The following SYCP2 variants were observed in gnomAD, a reference collection of about 807,000 sequenced individuals.
SYCP2 encodes synaptonemal complex lateral element protein.
Under a neutral mutation model 211.3 loss-of-function variants are expected in SYCP2, and 55 were observed. The ratio of observed to expected loss-of-function variants is 0.26; its 90% confidence interval spans 0.21 to 0.33. The LOEUF is 0.33. Ranked by LOEUF, SYCP2 falls within the 10% of genes least tolerant of loss-of-function variation. The pLI is 1.00. For missense variants in SYCP2, 1,731 were observed against 1,752.0 expected (o/e 0.99, Z 0.21); for synonymous variants, 570 against 555.2 (o/e 1.03, Z -0.37).
intron 2 of SYCP2, among the ~76,000 whole-genome samples, chr20:59,927,620 C>T (rs1212267834): frequency 1.3e-5 from 2 of 152,078 alleles, no homozygotes; most frequent in African/African-American, 4.8e-5. Context: ...CTCCAAAAAA[C>T]AGGTTAATAA....
At chr20:59,880,032 G>C (rs992219493) in intron 31 of SYCP2, among the ~76,000 whole-genome samples, 2 of 150,918 alleles carry the variant, frequency 1.3e-5, no homozygotes, top group African/African-American at 4.8e-5. Flanking sequence ...TAAATAACTG[G>C]ATAATACTGG....
rs1298172507 is a variant in SYCP2 at position 59,879,891 on chromosome 20, ATATT to A, written c.2941+408_2941+411del. 5.3e-4 allele frequency among the ~76,000 whole-genome samples: 78 copies of A among 147,094 alleles called. 1 individual carries two copies. The highest frequency in any genetic ancestry group is 1.7e-3 in the African/African-American group (69 of 40,686). On this transcript the variant is annotated intron_variant, in intron 31 of 44. Transcript: ENST00000357552. Reference sequence around the variant, plus strand: ...CACACACACACACAAACATATAAATATATTTATTTTATACACACACACACAAATG... The same window carrying A: ...CACACACACACACAAACATATAAATATATTTTATACACACACACACAAATG...
chr20:59,870,938 G>T (rs1306287773), intron 35 of SYCP2, among the ~76,000 whole-genome samples: 6 of 151,608 alleles, frequency 4.0e-5, no homozygotes, highest in Non-Finnish European at 8.8e-5. Context: ...GTCAAATTTA[G>T]ACTCAAATCT....
intron 31 of SYCP2, among the ~76,000 whole-genome samples, chr20:59,878,856 G>A (rs2059610552): frequency 6.6e-6 from 1 of 151,914 alleles, no homozygotes; most frequent in Non-Finnish European, 1.5e-5. Flanking sequence ...AATAGTCTCT[G>A]AAACCTAAGA....
chr20:59,929,643 T>C (rs1043921926), intron 2 of SYCP2, among the ~76,000 whole-genome samples: 6 of 151,926 alleles, frequency 3.9e-5, no homozygotes, highest in South Asian at 4.1e-4. Flanking sequence ...AATGAGATAA[T>C]AGAAATTCTT....
intron 4 of SYCP2, among the ~76,000 whole-genome samples, chr20:59,920,797 A>C (rs953216391): frequency 6.6e-6 from 1 of 151,642 alleles, no homozygotes; most frequent in African/African-American, 2.4e-5. Context: ...TAACAGAAAC[A>C]AGAAATTTTT....
At position 59,864,214 on chromosome 20, in the gene SYCP2, T is replaced by G; in HGVS notation, c.*97A>C. The G allele has an allele frequency of 2.4e-6, 2 of 850,766 alleles. No individual in the cohort carries two copies. The highest frequency in any genetic ancestry group is 3.6e-6 in the Non-Finnish European group (2 of 557,092). 52.7% of individuals were successfully genotyped at this position (850,766 alleles called of 1,614,324 possible). On this transcript the variant is annotated 3_prime_UTR_variant, in exon 45 of 45. Transcript: ENST00000357552. ...CCTATAAAGGGTACACTTGCTTCGG[T>G]GACATGTATATTTTTCTCTTTGTAG...
At chr20:59,932,956 C>A (rs577498560) in intron 1 of SYCP2, among the ~76,000 whole-genome samples, 16 of 152,210 alleles carry the variant, frequency 1.1e-4, no homozygotes, top group African/African-American at 3.6e-4. Context: ...GTGGCAACAA[C>A]GAGGCCGAAG....
At chr20:59,922,610 T>C (rs1162919885) in intron 2 of SYCP2, among the ~76,000 whole-genome samples, 151 bp from the exon 3 acceptor site, 1 of 151,802 alleles carries the variant, frequency 6.6e-6, no homozygotes, top group Non-Finnish European at 1.5e-5. Context: ...AAATTACACA[T>C]TTGAATATGA....
intron 35 of SYCP2, among the ~76,000 whole-genome samples, chr20:59,871,116 A>T (rs2059444005): frequency 6.6e-6 from 1 of 151,946 alleles, no homozygotes. Flanking sequence ...CAACGAATAA[A>T]GAATATCCAG....
intron 10 of SYCP2, 139 bp downstream of exon 10, chr20:59,915,026 T>A (rs2145849440): frequency 1.7e-6 from 1 of 585,374 alleles, no homozygotes; most frequent in Admixed American, 3.0e-5. Context: ...TCATGTATAT[T>A]TATTAAAAAT....
intron 33 of SYCP2, among the ~76,000 whole-genome samples, chr20:59,875,824 C>A (rs1330897717): frequency 6.6e-6 from 1 of 151,940 alleles, no homozygotes; most frequent in South Asian, 2.1e-4. Context: ...AGACATACTG[C>A]GAATAGAGAA....
At chr20:59,881,057 C>G (rs1329457878) in intron 29 of SYCP2, 34 bp from the exon 30 acceptor site, 1 of 1,212,960 alleles carries the variant, frequency 8.2e-7, no homozygotes, top group Non-Finnish European at 1.2e-6. Context: ...TAAAAAATAC[C>G]CTTCATACTT....
intron 5 of SYCP2, 112 bp downstream of exon 5, chr20:59,920,247 T>C (rs2060516191): frequency 2.1e-6 from 2 of 947,022 alleles, no homozygotes; most frequent in Non-Finnish European, 1.5e-6. Flanking sequence ...ATTCCCAAAA[T>C]TGTACATAAA....
intron 22 of SYCP2, 64 bp downstream of exon 22, chr20:59,893,078 T>A: frequency 2.7e-6 from 3 of 1,122,492 alleles, no homozygotes; most frequent in Non-Finnish European, 3.9e-6. Flanking sequence ...CCTCCAAATC[T>A]GTTACATTCA....
Position 59,863,605 on chromosome 20 carries a change from C to CA in SYCP2, c.*705dup, listed in dbSNP as rs1263178329. The stretch of plus-strand genomic sequence containing the variant: ...ATTCAAGTGACATAAGCATTTATTT[C>CA]AACTTCATTAAAAGCAAATCAAATG... On this transcript the variant is annotated 3_prime_UTR_variant, in exon 45 of 45. Transcript: ENST00000357552. The CA allele has an allele frequency of 6.6e-6, 1 of 151,856 alleles. No individual in the cohort carries two copies. The highest frequency in any genetic ancestry group is 2.4e-5 in the African/African-American group (1 of 41,374). The allele number at this position is 151,856 out of a possible 1,614,324, so 9.4% of individuals were successfully genotyped here.
At chr20:59,887,648 C>T (rs1038556319) in intron 24 of SYCP2, among the ~76,000 whole-genome samples, 4 of 151,942 alleles carry the variant, frequency 2.6e-5, no homozygotes, top group Non-Finnish European at 4.4e-5. Context: ...TCCACATCCT[C>T]TCCAGCACCT....
chr20:59,891,591 T>A (rs1261183469), intron 24 of SYCP2, among the ~76,000 whole-genome samples: 1 of 151,706 alleles, frequency 6.6e-6, no homozygotes, highest in African/African-American at 2.4e-5. Context: ...TGCTAGGACA[T>A]GCAGGAAAAC....
intron 15 of SYCP2, among the ~76,000 whole-genome samples, chr20:59,906,270 G>A (rs920059887): frequency 1.3e-5 from 2 of 151,990 alleles, no homozygotes; most frequent in African/African-American, 2.4e-5. Flanking sequence ...CCACAATGTT[G>A]GAAGACTTAT....
Sources: allele counts gnomAD v4.1 joint callset (sites outside exome capture counted in the v4.1 genomes callset), GRCh38; gene constraint gnomAD v4.1.1; transcripts MANE v1.5; gene names NCBI Gene and HGNC (gene_info 2026-07-23, HGNC 2026-07-21).